Variants in CNTN3 observed in about 807,000 individuals in gnomAD.
The protein encoded by CNTN3 is contactin-3.
A neutral mutation model predicts 119.1 loss-of-function variants in CNTN3; 60 were observed. That is an observed-to-expected ratio of 0.50 (90% CI 0.41 to 0.62). The LOEUF (loss-of-function observed/expected upper bound fraction) is 0.62. CNTN3 is among the 20% of genes least tolerant of loss of function. The pLI is 0.00. For missense variants in CNTN3, 1,101 were observed against 1,242.4 expected, an observed-to-expected ratio of 0.89 and a Z score of 1.71; for synonymous variants, 450 against 438.7, an observed-to-expected ratio of 1.03 and a Z score of -0.32.
At position 74,466,709 on chromosome 3, in the gene CNTN3, T is replaced by A. The variant is rs1170713777; in HGVS notation, c.358+19747A>T. Among the ~76,000 whole-genome samples, 4 of 152,110 alleles carry A rather than the reference T, an allele frequency of 2.6e-5. No individual in the cohort carries two copies. The East Asian group carries it at 7.7e-4, about 29-fold the overall frequency. On this transcript the variant is annotated intron_variant, in intron 4 of 22. Transcript: ENST00000263665. ...TTAGAAGAGATTTTCAGTGAATGCA[T>A]TAAAACAAATTTAATAACTTGAGAC... is the stretch of plus-strand genomic sequence containing the variant.
chr3:74,552,039 C>T (rs180696905), intron 1 of CNTN3, among the ~76,000 whole-genome samples: 1 of 152,192 alleles, frequency 6.6e-6, no homozygotes, highest in Non-Finnish European at 1.5e-5. Context: ...GTTGGCATTA[C>T]AGGTGTGAGC....
rs1273282449 is a variant in CNTN3, at chr3:74,357,401, A to G, written c.1364+4489T>C. Among the ~76,000 whole-genome samples, 4 of 152,064 alleles carry G rather than the reference A, an allele frequency of 2.6e-5. 1 individual carries two copies. Among genetic ancestry groups the G allele is most frequent in the African/African-American group, 9.7e-5 (4 of 41,328 alleles). On this transcript the variant is annotated intron_variant, in intron 11 of 22. Coordinates refer to ENST00000263665, the MANE Select transcript of CNTN3 (RefSeq NM_020872.3). ...CAAGTTCAAGTGATTCTCCTGCTTC[A>G]GCCTCCCAAGTAGCTGGGATTACAG...
chr3:74,291,614 C>G (rs1410408437), intron 19 of CNTN3, among the ~76,000 whole-genome samples: 3 of 152,130 alleles, frequency 2.0e-5, no homozygotes, highest in Non-Finnish European at 4.4e-5. Flanking sequence ...CTCCTGACCT[C>G]ATGATCTGCT....
chr3:74,324,173 T>C (rs1163899443), intron 13 of CNTN3, among the ~76,000 whole-genome samples: 2 of 151,892 alleles, frequency 1.3e-5, no homozygotes, highest in Non-Finnish European at 2.9e-5. Flanking sequence ...AAGATATTAA[T>C]AACACAGATA....
At chr3:74,466,204 A>C (rs1259196941) in intron 4 of CNTN3, among the ~76,000 whole-genome samples, 1 of 152,202 alleles carries the variant, frequency 6.6e-6, no homozygotes, top group Non-Finnish European at 1.5e-5. Flanking sequence ...CACCAAGAGC[A>C]GAGAAAACTT....
chr3:74,272,776 CAA>C (rs1198274806), intron 20 of CNTN3, among the ~76,000 whole-genome samples: 1 of 152,086 alleles, frequency 6.6e-6, no homozygotes, highest in African/African-American at 2.4e-5. Flanking sequence ...ACATCACAAA[CAA>C]AGAGGGAGCA....
intron 20 of CNTN3, among the ~76,000 whole-genome samples, chr3:74,271,675 T>C (rs150160039): frequency 9.1e-4 from 138 of 152,338 alleles, no homozygotes; most frequent in African/African-American, 3.0e-3. Context: ...AAAGTTGTTA[T>C]AACTAGTAGC....
intron 4 of CNTN3, among the ~76,000 whole-genome samples, chr3:74,462,174 C>A (rs975002119): frequency 1.3e-5 from 2 of 152,032 alleles, no homozygotes; most frequent in African/African-American, 4.8e-5. Flanking sequence ...CCTTCACTTT[C>A]CGCCATGATT....
At chr3:74,382,541 A>G (rs529629749) in intron 5 of CNTN3, among the ~76,000 whole-genome samples, 1 of 152,080 alleles carries the variant, frequency 6.6e-6, no homozygotes, top group African/African-American at 2.4e-5. Context: ...CCACCAGCCT[A>G]TGGTAACCAC....
intron 1 of CNTN3, among the ~76,000 whole-genome samples, chr3:74,574,179 T>C (rs1205566644): frequency 6.6e-6 from 1 of 152,138 alleles, no homozygotes; most frequent in Non-Finnish European, 1.5e-5. Context: ...TTATGCTCAG[T>C]GAGGAACCAC....
At chr3:74,413,215 C>T (rs1291044843) in intron 5 of CNTN3, among the ~76,000 whole-genome samples, 2 of 152,118 alleles carry the variant, frequency 1.3e-5, no homozygotes, top group African/African-American at 4.8e-5. Context: ...CTCAAAACGA[C>T]AAAATCACAT....
intron 21 of CNTN3, 23 bp from the exon 22 acceptor site, chr3:74,266,672 C>A: frequency 6.2e-7 from 1 of 1,603,792 alleles, no homozygotes; most frequent in Non-Finnish European, 8.5e-7. Context: ...AACAAATACA[C>A]TTACTTGTTA....
Position 74,525,295 on chromosome 3 carries a change from C to T in CNTN3, c.-80-4103G>A, listed in dbSNP as rs75777195. Among the ~76,000 whole-genome samples the T allele has an allele frequency of 9.3e-3, 1,416 of 151,858 alleles. 24 individuals carry two copies. Among genetic ancestry groups the T allele is most frequent in the African/African-American group, 0.032 (1,347 of 41,490 alleles). On this transcript the variant is annotated intron_variant, in intron 1 of 22. Transcript: ENST00000263665. ...ATTTATACGTACACACATGCATACA[C>T]TGTAAAAGGTTTGAAGATAAAAAGA...
chr3:74,570,271 A>C (rs1454991215), intron 1 of CNTN3, among the ~76,000 whole-genome samples: 1 of 152,120 alleles, frequency 6.6e-6, no homozygotes, highest in Non-Finnish European at 1.5e-5. Flanking sequence ...CCATACTTGC[A>C]AAGTAGCAGT....
intron 4 of CNTN3, among the ~76,000 whole-genome samples, chr3:74,460,796 TATATATATATATATATATA>T (rs1702352131): frequency 1.0e-5 from 1 of 97,496 alleles, no homozygotes; most frequent in Admixed American, 1.1e-4. Context: ...TATATATATA[TATATATATATATATATATA>T]TATGCCTTTC....
intron 4 of CNTN3, among the ~76,000 whole-genome samples, chr3:74,481,666 A>AAGT (rs1314288799): frequency 6.6e-6 from 1 of 151,904 alleles, no homozygotes; most frequent in Non-Finnish European, 1.5e-5. Context: ...TATAGAAAAG[A>AAGT]ATAAGTTAAC....
rs372335102 is a variant in CNTN3 at position 74,364,483 on chromosome 3, A to G, written c.1197T>C (p.Ala399=). The G allele has an allele frequency of 8.7e-6, 14 of 1,611,916 alleles. No homozygotes were observed. The highest frequency in any genetic ancestry group is 3.3e-4 in the Middle Eastern group (2 of 6,046). Residue 399 remains alanine (A), a synonymous_variant, in exon 10 of 23, where the codon GCT becomes GCC. Transcript: ENST00000263665. ...ENKHGLVYSS[A]ELKVVASAPD... is the part of the protein sequence containing the mutation. ...CAGCCTTACCAACAACTTTGAGCTC[A>G]GCACTGGAATAAACAAGGCCATGTT...
intron 1 of CNTN3, among the ~76,000 whole-genome samples, chr3:74,523,694 T>C (rs1356832532): frequency 6.6e-6 from 1 of 151,906 alleles, no homozygotes; most frequent in African/African-American, 2.4e-5. Context: ...AACCTTGCCA[T>C]TATCATCCTC....
rs116402276 is a variant in CNTN3, at chr3:74,513,824, T to A, written c.55+7234A>T. Among the ~76,000 whole-genome samples, 666 of 152,144 alleles carry A rather than the reference T, an allele frequency of 4.4e-3. 6 individuals carry two copies. Among genetic ancestry groups the A allele is most frequent in the African/African-American group, 0.015 (636 of 41,532 alleles). On this transcript the variant is annotated intron_variant, in intron 2 of 22. Coordinates refer to ENST00000263665, the MANE Select transcript of CNTN3 (RefSeq NM_020872.3). ...ATATTACTTTTGTCACCCCTAGTCC[T>A]ATAAATAAAGTAAGCCCAGATGGTA...
Sources: gnomAD v4.1 joint callset for allele counts (sites outside exome capture counted in the v4.1 genomes callset) on GRCh38, gnomAD v4.1.1 for gene constraint, MANE v1.5 for transcripts, NCBI Gene and HGNC (gene_info 2026-07-23, HGNC 2026-07-21) for gene names.